The following RAB33A variants were observed in gnomAD, a reference collection of about 807,000 sequenced individuals.
RAB33A encodes the protein RAB33A, member RAS oncogene family.
A neutral mutation model predicts 12.0 loss-of-function variants in RAB33A; 6 were observed. That is an observed-to-expected ratio of 0.50 (90% CI 0.27 to 0.99). RAB33A has a LOEUF of 0.99. Ranked by LOEUF, RAB33A falls within the 50% of genes least tolerant of loss-of-function variation. RAB33A has a pLI of 0.11. For synonymous variants in RAB33A, 70 were observed against 82.4 expected (o/e 0.85, Z 0.81); for missense variants, 109 against 192.0 (o/e 0.57, Z 2.55).
chrX:130,122,596 C>A, the RAB33A span, among the ~76,000 whole-genome samples: 399 of 112,024 alleles, frequency 3.6e-3, 3 homozygotes, highest in African/African-American at 0.012. Context: ...AAGGGCTGGT[C>A]TCAAGGCTTG....
chrX:130,162,527 A>G, the RAB33A span, among the ~76,000 whole-genome samples: 1 of 112,294 alleles, frequency 8.9e-6, no homozygotes, highest in East Asian at 2.8e-4. Flanking sequence ...AGAAAATGTA[A>G]CTTATTAACT....
At chrX:130,121,303 G>T in the RAB33A span, among the ~76,000 whole-genome samples, 1 of 97,303 alleles carries the variant, frequency 1.0e-5, no homozygotes, top group South Asian at 5.0e-4. Context: ...AGGCTGCAGT[G>T]GCGCGATCTT....
At chrX:130,135,729 C>T in the RAB33A span, among the ~76,000 whole-genome samples, 1 of 112,045 alleles carries the variant, frequency 8.9e-6, no homozygotes, top group Non-Finnish European at 1.9e-5. Flanking sequence ...GCAAAGGGAA[C>T]AGCAGATCCA....
chrX:130,134,213 G>C, the RAB33A span, among the ~76,000 whole-genome samples: 2 of 108,684 alleles, frequency 1.8e-5, no homozygotes, highest in Non-Finnish European at 3.8e-5. Context: ...CTCCAGACTG[G>C]GAAACAGAGC....
the RAB33A span, among the ~76,000 whole-genome samples, chrX:130,122,701 G>T: frequency 8.9e-6 from 1 of 111,989 alleles, no homozygotes; most frequent in East Asian, 2.8e-4. Context: ...CAGCTCTGTA[G>T]GGCATGTTTG....
At chrX:130,183,453 G>A (rs986858379) in intron 1 of RAB33A, among the ~76,000 whole-genome samples, 4 of 108,946 alleles carry the variant, frequency 3.7e-5, no homozygotes, top group South Asian at 4.1e-4. Flanking sequence ...TACTTGGGAG[G>A]CTGAGGCAGG....
At chrX:130,137,613 C>A in the RAB33A span, 1 of 1,130,063 alleles carries the variant, frequency 8.8e-7, no homozygotes, top group Admixed American at 3.1e-5. Context: ...ATCATGTGCC[C>A]AAAGAAGTTT....
the RAB33A span, among the ~76,000 whole-genome samples, chrX:130,132,280 T>A: frequency 1.8e-5 from 2 of 112,181 alleles, no homozygotes; most frequent in Non-Finnish European, 3.8e-5. Flanking sequence ...AAAGTAAGAT[T>A]AACCCTAATA....
the RAB33A span, among the ~76,000 whole-genome samples, chrX:130,143,902 G>A: frequency 3.9e-4 from 43 of 111,185 alleles, no homozygotes; most frequent in African/African-American, 1.3e-3. Flanking sequence ...TTAGGCTCTG[G>A]AATCAGAATA....
At chrX:130,148,922 C>CT in the RAB33A span, among the ~76,000 whole-genome samples, 29,435 of 68,386 alleles carry the variant, frequency 0.43, 6,531 homozygotes, top group African/African-American at 0.62. Flanking sequence ...TTTTAAGAGA[C>CT]TTTTTTTTTT....
the RAB33A span, among the ~76,000 whole-genome samples, chrX:130,113,714 G>A: frequency 2.7e-5 from 3 of 111,679 alleles, no homozygotes; most frequent in Non-Finnish European, 5.6e-5. Flanking sequence ...GTGAGCCACC[G>A]CGCCTGGCCC....
intron 1 of RAB33A, among the ~76,000 whole-genome samples, chrX:130,173,161 C>A (rs765467329): frequency 4.0e-4 from 45 of 112,119 alleles, no homozygotes; most frequent in African/African-American, 1.4e-3. Flanking sequence ...TCTTGTCTGA[C>A]CATTTGTGCT....
the RAB33A span, among the ~76,000 whole-genome samples, chrX:130,110,934 C>T: frequency 2.3e-5 from 2 of 85,307 alleles, no homozygotes; most frequent in African/African-American, 8.6e-5. Flanking sequence ...ATGGGGCGGG[C>T]GCGAAGGAGG....
At chrX:130,128,589 G>T in the RAB33A span, among the ~76,000 whole-genome samples, 57 of 112,108 alleles carry the variant, frequency 5.1e-4, 1 homozygote, top group Middle Eastern at 4.6e-3. Context: ...ATAATAATAA[G>T]ATTTGATTTT....
At chrX:130,150,235 T>C in the RAB33A span, among the ~76,000 whole-genome samples, 1 of 111,216 alleles carries the variant, frequency 9.0e-6, no homozygotes, top group Non-Finnish European at 1.9e-5. Context: ...CTATCTTCTC[T>C]ATCCTTTCAA....
the RAB33A span, among the ~76,000 whole-genome samples, chrX:130,155,803 GA>G: frequency 1.8e-5 from 2 of 111,419 alleles, no homozygotes; most frequent in South Asian, 7.4e-4. Context: ...GCCAAGTTAG[GA>G]AAAAAACACC....
At chrX:130,163,264 C>T in the RAB33A span, among the ~76,000 whole-genome samples, 2 of 100,265 alleles carry the variant, frequency 2.0e-5, no homozygotes, top group Non-Finnish European at 3.9e-5. Flanking sequence ...GAGCCAAGAT[C>T]GTGCCACTGC....
chrX:130,146,129 A>T, the RAB33A span, among the ~76,000 whole-genome samples: 1 of 111,753 alleles, frequency 8.9e-6, no homozygotes, highest in Non-Finnish European at 1.9e-5. Flanking sequence ...TGATATATTA[A>T]TATTAATTAG....
chrX:130,158,829 T>C, the RAB33A span, among the ~76,000 whole-genome samples: 19 of 111,073 alleles, frequency 1.7e-4, no homozygotes, highest in Admixed American at 5.8e-4. Context: ...CTTATGTCCC[T>C]GTCCTGTCTA....
Sources: gnomAD v4.1 joint callset for allele counts (sites outside exome capture counted in the v4.1 genomes callset) on GRCh38, gnomAD v4.1.1 for gene constraint, MANE v1.5 for transcripts, NCBI Gene and HGNC (gene_info 2026-07-23, HGNC 2026-07-21) for gene names.